The following ADD3 variants were observed in gnomAD, a reference collection of about 807,000 sequenced individuals.
ADD3 encodes adducin 3.
A neutral mutation model predicts 80.2 loss-of-function variants in ADD3; 25 were observed. The observed-to-expected ratio is 0.31, with a 90% CI of 0.23 to 0.44. The LOEUF (loss-of-function observed/expected upper bound fraction) is 0.44, where lower values mean the gene tolerates loss of function less well. Among genes scored for constraint, ADD3 ranks in the 20% least tolerant of loss-of-function variants. ADD3 has a pLI of 1.00. For missense variants in ADD3, 829 were observed against 847.5 expected, an observed-to-expected ratio of 0.98 and a Z score of 0.27; for synonymous variants, 284 against 289.6, an observed-to-expected ratio of 0.98 and a Z score of 0.20.
chr10:110,083,508 T>C (rs1846326986), intron 1 of ADD3, among the ~76,000 whole-genome samples: 1 of 148,960 alleles, frequency 6.7e-6, no homozygotes, highest in South Asian at 2.1e-4. Context: ...AGAGCAAGAC[T>C]CCGTCTCAAA....
chr10:110,123,819 G>A (rs1208227367), intron 9 of ADD3, 198 bp from the exon 10 acceptor site: 5 of 577,346 alleles, frequency 8.7e-6, no homozygotes, highest in African/African-American at 3.7e-5. Context: ...GCTGTTATCA[G>A]CTCTAACTAG....
chr10:110,022,794 A>G (rs556032668), intron 1 of ADD3, among the ~76,000 whole-genome samples: 118 of 152,306 alleles, frequency 7.7e-4, no homozygotes, highest in African/African-American at 2.5e-3. Context: ...TTCAGGGAGG[A>G]GAGTGGCATT....
intron 1 of ADD3, among the ~76,000 whole-genome samples, chr10:110,035,047 C>T (rs1855482547): frequency 6.6e-6 from 1 of 152,106 alleles, no homozygotes; most frequent in Non-Finnish European, 1.5e-5. Flanking sequence ...ATTTGGAAGA[C>T]CATGTTTGTT....
intron 1 of ADD3, among the ~76,000 whole-genome samples, chr10:110,062,079 G>A (rs545327111): frequency 6.6e-6 from 1 of 151,316 alleles, no homozygotes; most frequent in East Asian, 2.0e-4. Flanking sequence ...ATAAAATATC[G>A]AGGCCAGGTG....
chr10:110,094,114 G>A (rs552412205), intron 1 of ADD3, among the ~76,000 whole-genome samples: 1 of 152,060 alleles, frequency 6.6e-6, no homozygotes, highest in South Asian at 2.1e-4. Flanking sequence ...CTAGGCAAAC[G>A]GACCATTAAG....
chr10:110,047,993 C>T (rs1241542368), intron 1 of ADD3, among the ~76,000 whole-genome samples: 2 of 152,124 alleles, frequency 1.3e-5, no homozygotes, highest in African/African-American at 2.4e-5. Context: ...TGTGTCCCCA[C>T]CCAAATCCCA....
chr10:110,123,741 C>T, intron 9 of ADD3: 1 of 337,938 alleles, frequency 3.0e-6, no homozygotes, highest in Non-Finnish European at 5.5e-6. Flanking sequence ...TAGAAAAGCA[C>T]TTCTGGTCAG....
At chr10:110,088,089 A>C (rs1162020437) in intron 1 of ADD3, among the ~76,000 whole-genome samples, 1 of 151,860 alleles carries the variant, frequency 6.6e-6, no homozygotes, top group Non-Finnish European at 1.5e-5. Context: ...AATCTCTCTC[A>C]CTTTCCTCTT....
intron 2 of ADD3, chr10:110,112,320 A>G (rs967857511): frequency 2.0e-5 from 3 of 153,378 alleles, no homozygotes; most frequent in Non-Finnish European, 4.4e-5. Context: ...AGGATTCTCC[A>G]TGTTGGTCAA....
chr10:110,126,204 A>G (rs1852132573), intron 11 of ADD3, among the ~76,000 whole-genome samples: 1 of 152,238 alleles, frequency 6.6e-6, no homozygotes, highest in African/African-American at 2.4e-5. Flanking sequence ...GCAGTTCTCT[A>G]ACAACCTAAG....
intron 1 of ADD3, among the ~76,000 whole-genome samples, chr10:110,033,901 C>T (rs950745986): frequency 6.6e-6 from 1 of 152,160 alleles, no homozygotes; most frequent in African/African-American, 2.4e-5. Context: ...AGAGATTTCT[C>T]AGGATAAATA....
chr10:110,000,947 C>A (rs2133676559), upstream of ADD3, among the ~76,000 whole-genome samples: 1 of 152,250 alleles, frequency 6.6e-6, no homozygotes, highest in Admixed American at 6.5e-5. Context: ...ATTACTCTAC[C>A]AAACATACTA....
At chr10:110,056,051 G>C (rs28628408) in intron 1 of ADD3, among the ~76,000 whole-genome samples, 40 of 152,260 alleles carry the variant, frequency 2.6e-4, no homozygotes, top group African/African-American at 9.4e-4. Context: ...TGACCTGAAG[G>C]CTGTTGTATT....
intron 2 of ADD3, among the ~76,000 whole-genome samples, chr10:110,104,160 A>G (rs770550411): frequency 1.3e-4 from 20 of 152,202 alleles, no homozygotes; most frequent in Non-Finnish European, 2.5e-4. Flanking sequence ...ACTGCTACAG[A>G]CATCCCTCTT....
At chr10:110,051,460 T>C (rs986719240) in intron 1 of ADD3, among the ~76,000 whole-genome samples, 3 of 152,174 alleles carry the variant, frequency 2.0e-5, no homozygotes, top group Non-Finnish European at 2.9e-5. Context: ...CAAATAAGTA[T>C]ATATAAGTGC....
intron 1 of ADD3, among the ~76,000 whole-genome samples, chr10:110,041,038 C>T (rs1405114999): frequency 6.6e-6 from 1 of 152,102 alleles, no homozygotes; most frequent in African/African-American, 2.4e-5. Flanking sequence ...GTATCTCTTG[C>T]TCATGCTGTG....
chr10:110,075,224 C>T (rs1009701241), intron 1 of ADD3, among the ~76,000 whole-genome samples: 1 of 152,138 alleles, frequency 6.6e-6, no homozygotes, highest in African/African-American at 2.4e-5. Context: ...ATTCTTGATA[C>T]TAAATCTGAT....
chr10:110,079,833 A>T (rs1007707030), intron 1 of ADD3, among the ~76,000 whole-genome samples: 1 of 152,116 alleles, frequency 6.6e-6, no homozygotes, highest in Non-Finnish European at 1.5e-5. Flanking sequence ...GAGCCACTGC[A>T]CCCAGCCTAC....
intron 1 of ADD3, among the ~76,000 whole-genome samples, chr10:110,083,013 C>G (rs1846252815): frequency 6.6e-6 from 1 of 152,146 alleles, no homozygotes; most frequent in African/African-American, 2.4e-5. Flanking sequence ...GAGTCAAGAG[C>G]CTTACTCACC....
Sources: gnomAD v4.1 joint callset for allele counts (sites outside exome capture counted in the v4.1 genomes callset) on GRCh38, gnomAD v4.1.1 for gene constraint, MANE v1.5 for transcripts, NCBI Gene and HGNC (gene_info 2026-07-23, HGNC 2026-07-21) for gene names.